TPD52L1: variants seen among roughly 807,000 people sequenced by gnomAD.
The protein encoded by TPD52L1 is TPD52 like 1, also known as tumor protein D53.
A neutral mutation model predicts 28.7 loss-of-function variants in TPD52L1; 18 were observed. That is an observed-to-expected ratio of 0.63 (90% CI 0.43 to 0.93). The LOEUF (loss-of-function observed/expected upper bound fraction) is 0.93. TPD52L1 is among the 40% of genes least tolerant of loss of function. TPD52L1 has a pLI of 0.00. For synonymous variants in TPD52L1, 75 were observed against 88.8 expected (o/e 0.84, Z 0.88); for missense variants, 203 against 254.8 (o/e 0.80, Z 1.39).
intron 6 of TPD52L1, among the ~76,000 whole-genome samples, chr6:125,260,801 GT>G (rs1194469542): frequency 2.0e-5 from 3 of 146,552 alleles, no homozygotes; most frequent in Non-Finnish European, 4.5e-5. Context: ...GCAAGACTCC[GT>G]CTCAAAAAAA....
At chr6:125,200,916 A>G (rs745445524) in intron 1 of TPD52L1, among the ~76,000 whole-genome samples, 1 of 152,216 alleles carries the variant, frequency 6.6e-6, no homozygotes, top group African/African-American at 2.4e-5. Context: ...TCAGCGTTCT[A>G]AAGTAGGGAA....
At chr6:125,181,030 C>A (rs1029520972) in intron 1 of TPD52L1, among the ~76,000 whole-genome samples, 1 of 152,138 alleles carries the variant, frequency 6.6e-6, no homozygotes. Flanking sequence ...TGGCTTAAGG[C>A]ATTCTTAGAA....
intron 1 of TPD52L1, among the ~76,000 whole-genome samples, chr6:125,210,308 C>T (rs12110572): frequency 0.05 from 7,665 of 152,282 alleles, 363 homozygotes; most frequent in African/African-American, 0.12. Context: ...CACTACTGTC[C>T]TACCAATAAC....
chr6:125,224,659 T>C (rs1010205164), intron 2 of TPD52L1, among the ~76,000 whole-genome samples: 2 of 152,208 alleles, frequency 1.3e-5, no homozygotes, highest in Non-Finnish European at 2.9e-5. Flanking sequence ...AGGCAGGCCT[T>C]GAAGCCACGT....
intron 1 of TPD52L1, among the ~76,000 whole-genome samples, chr6:125,172,477 TG>T (rs143520784): frequency 0.029 from 3,130 of 107,830 alleles, 166 homozygotes; most frequent in East Asian, 0.2. Flanking sequence ...TGTGTGTGTG[TG>T]TTTTTTTTTT....
intron 1 of TPD52L1, among the ~76,000 whole-genome samples, chr6:125,159,749 G>A (rs1389648341): frequency 6.8e-6 from 1 of 148,050 alleles, no homozygotes; most frequent in Non-Finnish European, 1.5e-5. Flanking sequence ...TGATCCACAA[G>A]CTGAAGAGTG....
At chr6:125,213,021 T>A (rs1203044114) in intron 1 of TPD52L1, among the ~76,000 whole-genome samples, 1 of 152,232 alleles carries the variant, frequency 6.6e-6, no homozygotes. Flanking sequence ...TTTTATTGCA[T>A]GTAAAAGAGT....
At chr6:125,182,179 T>C (rs1428500618) in intron 1 of TPD52L1, among the ~76,000 whole-genome samples, 2 of 152,184 alleles carry the variant, frequency 1.3e-5, no homozygotes, top group Non-Finnish European at 2.9e-5. Flanking sequence ...TTTATAAACA[T>C]ATATTACTTG....
chr6:125,250,315 G>C (rs1009884361), intron 4 of TPD52L1, among the ~76,000 whole-genome samples: 2 of 152,160 alleles, frequency 1.3e-5, no homozygotes, highest in Non-Finnish European at 2.9e-5. Context: ...GTAAGTCTGA[G>C]GTGGAGTCTA....
At chr6:125,198,788 G>A (rs1264638474) in intron 1 of TPD52L1, among the ~76,000 whole-genome samples, 2 of 152,120 alleles carry the variant, frequency 1.3e-5, no homozygotes, top group South Asian at 2.1e-4. Flanking sequence ...GCAATGTCTC[G>A]AGACAGTGCT....
intron 1 of TPD52L1, among the ~76,000 whole-genome samples, chr6:125,193,624 A>G (rs1793205299): frequency 6.6e-6 from 1 of 152,214 alleles, no homozygotes; most frequent in Non-Finnish European, 1.5e-5. Context: ...TATGCCTGTT[A>G]CAAATATGAA....
chr6:125,210,486 T>C (rs1467283834), intron 1 of TPD52L1, among the ~76,000 whole-genome samples: 1 of 152,224 alleles, frequency 6.6e-6, no homozygotes, highest in Non-Finnish European at 1.5e-5. Context: ...ATCAGACAGA[T>C]TAAGCCAGAA....
rs78350714 is a variant in TPD52L1, at chr6:125,232,280, T to A, written c.284+3014T>A. ...CAGTCCCTCTCTTTAGGAGGAGGCA[T>A]AAGTCTATCAACCATATAATTTGGG... On this transcript the variant is annotated intron_variant, in intron 3 of 6. Coordinates refer to ENST00000534000, the MANE Select transcript of TPD52L1 (RefSeq NM_003287.4). 4.3e-4 allele frequency among the ~76,000 whole-genome samples: 65 copies of A among 152,296 alleles called. No individual in the cohort carries two copies. In the East Asian group the frequency reaches 0.012, roughly 29 times the overall value.
At chr6:125,235,646 C>T (rs1180788806) in intron 3 of TPD52L1, among the ~76,000 whole-genome samples, 2 of 152,146 alleles carry the variant, frequency 1.3e-5, no homozygotes, top group African/African-American at 4.8e-5. Flanking sequence ...AAAATCATTT[C>T]CCGACATATA....
chr6:125,183,922 C>A (rs1276206023), intron 1 of TPD52L1, among the ~76,000 whole-genome samples: 2 of 152,054 alleles, frequency 1.3e-5, no homozygotes, highest in African/African-American at 4.8e-5. Context: ...AAAACTTTGT[C>A]TAAAATTAAA....
chr6:125,208,119 T>G (rs778601865), intron 1 of TPD52L1, among the ~76,000 whole-genome samples: 23 of 152,192 alleles, frequency 1.5e-4, no homozygotes, highest in Non-Finnish European at 3.2e-4. Context: ...CAGGATACAT[T>G]TGGGCATGAC....
chr6:125,186,547 C>A (rs992777667), intron 1 of TPD52L1, among the ~76,000 whole-genome samples: 1 of 152,124 alleles, frequency 6.6e-6, no homozygotes, highest in Non-Finnish European at 1.5e-5. Flanking sequence ...AAAGTCCCAA[C>A]AAAGATATTT....
intron 1 of TPD52L1, among the ~76,000 whole-genome samples, chr6:125,172,411 C>T (rs1791466069): frequency 1.5e-5 from 2 of 137,416 alleles, no homozygotes; most frequent in Non-Finnish European, 3.1e-5. Context: ...TGGCAGCCTC[C>T]CAAAGTATTG....
chr6:125,178,649 AC>A (rs1791975603), intron 1 of TPD52L1, among the ~76,000 whole-genome samples: 1 of 150,294 alleles, frequency 6.7e-6, no homozygotes, highest in African/African-American at 2.5e-5. Context: ...ACAAAACAAA[AC>A]AAAACAAAAT....
Sources: allele counts gnomAD v4.1 joint callset (sites outside exome capture counted in the v4.1 genomes callset), GRCh38; gene constraint gnomAD v4.1.1; transcripts MANE v1.5; gene names NCBI Gene and HGNC (gene_info 2026-07-23, HGNC 2026-07-21).